HNRNPR: variants seen among roughly 807,000 people sequenced by gnomAD.
HNRNPR encodes the protein heterogeneous nuclear ribonucleoprotein R.
HNRNPR carries 4 observed loss-of-function variants against 70.3 expected under a neutral mutation model. The ratio of observed to expected loss-of-function variants is 0.06; its 90% CI spans 0.03 to 0.13. The LOEUF (loss-of-function observed/expected upper bound fraction) is 0.13. Among genes scored for constraint, HNRNPR ranks in the 10% least tolerant of loss-of-function variants. HNRNPR has a pLI of 1.00. For synonymous variants in HNRNPR, 241 were observed against 267.6 expected (o/e 0.90, Z 0.97); for missense variants, 423 against 788.5 (o/e 0.54, Z 5.55).
chr1:23,342,786 A>G (rs1349221645), intron 1 of HNRNPR, among the ~76,000 whole-genome samples: 2 of 152,202 alleles, frequency 1.3e-5, no homozygotes, highest in Non-Finnish European at 2.9e-5. Flanking sequence ...TTTAACAGAA[A>G]AGTTCAATGA....
At position 23,313,717 on chromosome 1, in the gene HNRNPR, A is replaced by T; in HGVS notation, c.1018-15T>A. ...AAAACTTTTACCTAGTAAGCAACAA[A>T]TAAACAAAACCGTCATTGGCTACTT... On this transcript the variant is annotated splice_polypyrimidine_tract_variant and intron_variant, in intron 8 of 10. Coordinates refer to ENST00000302271, the MANE Select transcript of HNRNPR (RefSeq NM_005826.5). 1.3e-6 allele frequency: 2 copies of T among 1,598,290 alleles called. No homozygotes were observed. The highest frequency in any genetic ancestry group is 1.7e-6 in the Non-Finnish European group (2 of 1,176,268).
At chr1:23,316,195 C>A (rs1384271033) in intron 8 of HNRNPR, among the ~76,000 whole-genome samples, 1 of 152,096 alleles carries the variant, frequency 6.6e-6, no homozygotes, top group Non-Finnish European at 1.5e-5. Context: ...GTTGCAAGCA[C>A]CCGGGAGGCT....
intron 5 of HNRNPR, among the ~76,000 whole-genome samples, chr1:23,324,603 A>G (rs1368587865): frequency 6.6e-6 from 1 of 151,984 alleles, no homozygotes; most frequent in Non-Finnish European, 1.5e-5. Flanking sequence ...AGCAATCTCA[A>G]TATTTTTCAG....
At chr1:23,328,073 G>A (rs1373301837) in intron 5 of HNRNPR, among the ~76,000 whole-genome samples, 5 of 151,924 alleles carry the variant, frequency 3.3e-5, no homozygotes, top group Non-Finnish European at 7.4e-5. Flanking sequence ...GGTACAAAAG[G>A]CCATGAGATG....
rs1317371719 is a variant in HNRNPR at position 23,308,246 on chromosome 1, A to T, written c.*2208T>A. The T allele has an allele frequency of 6.6e-6, 1 of 152,064 alleles. No individual in the cohort carries two copies. Among genetic ancestry groups the T allele is most frequent in the African/African-American group, 2.4e-5 (1 of 41,428 alleles). The allele number at this position is 152,064 out of a possible 1,614,324, so 9.4% of individuals were successfully genotyped here. On this transcript the variant is annotated 3_prime_UTR_variant, in exon 11 of 11. Coordinates refer to ENST00000302271, the MANE Select transcript of HNRNPR (RefSeq NM_005826.5). ...CAAAATATAATTTGCAATTAAAGGA[A>T]AGGATTTTGACATGGAACCCAAGTT...
intron 5 of HNRNPR, among the ~76,000 whole-genome samples, chr1:23,325,094 C>A (rs187475298): frequency 6.6e-6 from 1 of 151,756 alleles, no homozygotes; most frequent in Non-Finnish European, 1.5e-5. Context: ...GAGCCGAGAT[C>A]GCGCCACTAC....
intron 5 of HNRNPR, among the ~76,000 whole-genome samples, chr1:23,332,288 A>G (rs1401103638): frequency 6.6e-6 from 1 of 152,128 alleles, no homozygotes; most frequent in Non-Finnish European, 1.5e-5. Context: ...CTGATTCCAC[A>G]TCCTTCCCTT....
chr1:23,328,897 T>C (rs1052615078), intron 5 of HNRNPR, among the ~76,000 whole-genome samples: 9 of 152,246 alleles, frequency 5.9e-5, no homozygotes, highest in Middle Eastern at 3.4e-3. Context: ...GGCAGGAGGA[T>C]TGCTTGAGCC....
chr1:23,323,861 A>G, intron 5 of HNRNPR, 129 bp from the exon 6 acceptor site: 2 of 729,884 alleles, frequency 2.7e-6, no homozygotes, highest in Admixed American at 5.3e-5. Context: ...ACAATCTGAA[A>G]CTTACAGTTG....
intron 4 of HNRNPR, among the ~76,000 whole-genome samples, chr1:23,337,293 T>C (rs528855107): frequency 6.6e-6 from 1 of 152,258 alleles, no homozygotes; most frequent in Non-Finnish European, 1.5e-5. Context: ...TGCAATTGAG[T>C]GTCGATCCCC....
intron 5 of HNRNPR, among the ~76,000 whole-genome samples, chr1:23,327,272 A>G (rs1436499920): frequency 6.6e-6 from 1 of 152,206 alleles, no homozygotes; most frequent in Non-Finnish European, 1.5e-5. Context: ...AGAGACAAGT[A>G]ATTAGATATA....
At chr1:23,333,494 G>A in intron 5 of HNRNPR, 24 bp downstream of exon 5, 1 of 1,425,624 alleles carries the variant, frequency 7.0e-7, no homozygotes, top group African/African-American at 1.4e-5. Context: ...GAAAGATCTT[G>A]GTAAACTGCT....
In HNRNPR at chr1:23,318,285, C is replaced by T. The variant is rs897962955; in HGVS notation, c.1017+198G>A. 2.6e-5 allele frequency among the ~76,000 whole-genome samples: 4 copies of T among 152,064 alleles called. No homozygotes were observed. Among genetic ancestry groups the T allele is most frequent in the African/African-American group, 9.6e-5 (4 of 41,476 alleles). On this transcript the variant is annotated intron_variant, in intron 8 of 10. Coordinates refer to ENST00000302271, the MANE Select transcript of HNRNPR (RefSeq NM_005826.5). The surrounding 1 kb of genome is among the most constrained non-coding windows in gnomAD (Gnocchi z 4.2). ...CAGTTCCTTTTGCACATTTAATCTGCAGGAAAAGGGATTGTTAATGGAAAT... is the reference window on the plus strand; with the variant it reads ...CAGTTCCTTTTGCACATTTAATCTGTAGGAAAAGGGATTGTTAATGGAAAT...
chr1:23,328,155 G>A, intron 5 of HNRNPR, among the ~76,000 whole-genome samples: 1 of 152,214 alleles, frequency 6.6e-6, no homozygotes, highest in East Asian at 1.9e-4. Context: ...AGTGACAGTG[G>A]TGGGAAAACA....
intron 4 of HNRNPR, among the ~76,000 whole-genome samples, 168 bp downstream of exon 4, chr1:23,337,586 G>A (rs1454822388): frequency 6.6e-6 from 1 of 151,704 alleles, no homozygotes; most frequent in Non-Finnish European, 1.5e-5. Context: ...GAACTTGGGA[G>A]GTGGAGCTTG....
intron 4 of HNRNPR, among the ~76,000 whole-genome samples, chr1:23,333,875 T>C (rs1325239738): frequency 1.3e-5 from 2 of 152,132 alleles, no homozygotes; most frequent in African/African-American, 2.4e-5. Flanking sequence ...ATGCAGCTTC[T>C]CTCATTTACT....
At chr1:23,323,468 CAA>C in intron 6 of HNRNPR, 86 bp downstream of exon 6, 1 of 1,253,552 alleles carries the variant, frequency 8.0e-7, no homozygotes, top group Non-Finnish European at 1.1e-6. Context: ...CTGAAGAAAT[CAA>C]AATAATGTTA....
intron 5 of HNRNPR, among the ~76,000 whole-genome samples, chr1:23,331,982 A>T (rs890915895): frequency 6.6e-6 from 1 of 152,100 alleles, no homozygotes; most frequent in African/African-American, 2.4e-5. Flanking sequence ...AAATAGAAAA[A>T]TTAGCCAGGC....
chr1:23,321,757 C>A, intron 6 of HNRNPR, 94 bp from the exon 7 acceptor site: 1 of 1,243,788 alleles, frequency 8.0e-7, no homozygotes, highest in Non-Finnish European at 1.1e-6. Flanking sequence ...AGGCCAAACG[C>A]TCCCTGCTTC....
Sources: allele counts gnomAD v4.1 joint callset (sites outside exome capture counted in the v4.1 genomes callset), GRCh38; gene constraint gnomAD v4.1.1; non-coding constraint Gnocchi (gnomAD v3.1); transcripts MANE v1.5; gene names NCBI Gene and HGNC (gene_info 2026-07-23, HGNC 2026-07-21).